PTGER3: variants seen among roughly 807,000 people sequenced by gnomAD.
PTGER3 encodes prostaglandin E2 receptor EP3 subtype.
A neutral mutation model predicts 34.7 loss-of-function variants in PTGER3; 22 were observed. The ratio of observed to expected loss-of-function variants is 0.63; its 90% CI spans 0.45 to 0.91. The LOEUF is 0.91. PTGER3 is among the 40% of genes least tolerant of loss of function. PTGER3 has a pLI of 0.00. For synonymous variants in PTGER3, 241 were observed against 230.1 expected (o/e 1.05, Z -0.43); for missense variants, 468 against 519.4 (o/e 0.90, Z 0.96).
intron 1 of PTGER3, among the ~76,000 whole-genome samples, chr1:71,024,603 T>C (rs1658717312): frequency 6.6e-6 from 1 of 151,332 alleles, no homozygotes; most frequent in Admixed American, 6.6e-5. Context: ...TCTAGAGTTT[T>C]CATGTAATGG....
At chr1:70,937,850 G>A (rs1020952315) in intron 4 of PTGER3, among the ~76,000 whole-genome samples, 2 of 151,794 alleles carry the variant, frequency 1.3e-5, no homozygotes, top group African/African-American at 4.8e-5. Flanking sequence ...TGAAGCAATT[G>A]TCTCATTTTG....
intron 4 of PTGER3, among the ~76,000 whole-genome samples, chr1:70,858,316 TA>T (rs1254002270): frequency 2.0e-5 from 3 of 152,258 alleles, no homozygotes; most frequent in African/African-American, 7.2e-5. Flanking sequence ...GCATCACTTT[TA>T]AACTTCAGTT....
chr1:70,874,088 A>G (rs986300789), intron 4 of PTGER3, among the ~76,000 whole-genome samples: 3 of 152,220 alleles, frequency 2.0e-5, no homozygotes, highest in Non-Finnish European at 4.4e-5. Flanking sequence ...CAAAAAACAA[A>G]CATACAAACA....
At chr1:70,900,793 T>G (rs1467492867) in intron 4 of PTGER3, among the ~76,000 whole-genome samples, 1 of 152,186 alleles carries the variant, frequency 6.6e-6, no homozygotes, top group Non-Finnish European at 1.5e-5. Context: ...ATGTCACACA[T>G]GCCCTGGGAG....
chr1:70,903,462 A>G (rs1211537789), intron 4 of PTGER3, among the ~76,000 whole-genome samples: 1 of 152,220 alleles, frequency 6.6e-6, no homozygotes, highest in African/African-American at 2.4e-5. Context: ...TTTTATTCTC[A>G]TGACAAAACA....
chr1:70,854,584 T>A (rs1294931941), intron 4 of PTGER3, among the ~76,000 whole-genome samples: 1 of 152,120 alleles, frequency 6.6e-6, no homozygotes, highest in Non-Finnish European at 1.5e-5. Context: ...GGTTTAAAGT[T>A]GTGTGGCACA....
intron 4 of PTGER3, among the ~76,000 whole-genome samples, chr1:70,865,260 C>A (rs1458678035): frequency 2.0e-5 from 3 of 152,066 alleles, no homozygotes; most frequent in African/African-American, 7.2e-5. Flanking sequence ...ATGGGACTAT[C>A]AAAAGCAGTA....
exon 5 of PTGER3, chr1:70,852,723 G>T: frequency 7.8e-7 from 1 of 1,274,156 alleles, no homozygotes; most frequent in Non-Finnish European, 1.1e-6. Context: ...GGTGGGCTTG[G>T]GGGAAGAAGT....
intron 2 of PTGER3, among the ~76,000 whole-genome samples, chr1:70,957,141 C>A (rs538475542): frequency 1.3e-5 from 2 of 152,128 alleles, no homozygotes; most frequent in South Asian, 2.1e-4. Context: ...CCTCTGTTTT[C>A]GGTAATAACA....
intron 1 of PTGER3, among the ~76,000 whole-genome samples, chr1:71,025,871 C>G (rs1022563361): frequency 6.6e-6 from 1 of 152,178 alleles, no homozygotes; most frequent in Admixed American, 6.5e-5. Context: ...GCATTGAAGG[C>G]CAAACTTCCT....
At chr1:70,915,139 T>G (rs1000662210) in intron 4 of PTGER3, among the ~76,000 whole-genome samples, 1 of 151,922 alleles carries the variant, frequency 6.6e-6, no homozygotes, top group African/African-American at 2.4e-5. Flanking sequence ...CATTGTAATC[T>G]GCTTTATTAG....
At chr1:71,007,666 C>T (rs1264336064) in intron 2 of PTGER3, 1 of 985,276 alleles carries the variant, frequency 1.0e-6, no homozygotes, top group African/African-American at 1.7e-5. Context: ...TAGTAAATCA[C>T]ACGCATTTCC....
At chr1:70,924,734 C>G (rs1273340082) in intron 4 of PTGER3, among the ~76,000 whole-genome samples, 1 of 152,132 alleles carries the variant, frequency 6.6e-6, no homozygotes, top group African/African-American at 2.4e-5. Flanking sequence ...TTAAACTGCT[C>G]TAAATTAAAT....
intron 2 of PTGER3, among the ~76,000 whole-genome samples, chr1:70,982,352 C>T (rs570910674): frequency 6.6e-6 from 1 of 152,240 alleles, no homozygotes; most frequent in African/African-American, 2.4e-5. Flanking sequence ...TTCCACCCCC[C>T]AGGCTGTTGG....
intron 2 of PTGER3, among the ~76,000 whole-genome samples, chr1:70,959,253 GC>G (rs1159840358): frequency 1.3e-5 from 2 of 152,094 alleles, no homozygotes; most frequent in African/African-American, 4.8e-5. Context: ...TCTGTAGATT[GC>G]ATTGAATCTG....
rs76728104 is a variant in PTGER3, at chr1:70,921,096, G to A, written c.*23+32667C>T. ...ATAATAGGTGCTCAATATGATTTTC[G>A]AAAAATGAGTAAAAAAGAGCAACTT... On this transcript the variant is annotated intron_variant, in intron 4 of 4. Coordinates refer to the PTGER3 transcript ENST00000370931. Among the ~76,000 whole-genome samples the A allele has an allele frequency of 1.8e-4, 28 of 152,046 alleles. No individual in the cohort carries two copies. In the East Asian group the frequency reaches 4.6e-3, roughly 25 times the overall value.
chr1:70,935,426 C>T (rs1421711924), intron 4 of PTGER3, among the ~76,000 whole-genome samples: 1 of 151,948 alleles, frequency 6.6e-6, no homozygotes, highest in Admixed American at 6.6e-5. Context: ...AATATACTAT[C>T]TGGCATGTTT....
intron 1 of PTGER3, among the ~76,000 whole-genome samples, chr1:71,045,169 G>A (rs1038467706): frequency 2.0e-5 from 3 of 152,130 alleles, no homozygotes; most frequent in Non-Finnish European, 4.4e-5. Context: ...GTCCCCTCAT[G>A]TCACTGATTT....
At chr1:70,961,006 T>G (rs1244212383) in intron 2 of PTGER3, among the ~76,000 whole-genome samples, 1 of 152,204 alleles carries the variant, frequency 6.6e-6, no homozygotes, top group Non-Finnish European at 1.5e-5. Flanking sequence ...TGCCATTTCA[T>G]AGGTCTGGAG....
Sources: gnomAD v4.1 joint callset for allele counts (sites outside exome capture counted in the v4.1 genomes callset) on GRCh38, gnomAD v4.1.1 for gene constraint, MANE v1.5 for transcripts, NCBI Gene and HGNC (gene_info 2026-07-23, HGNC 2026-07-21) for gene names.